Variants in FBXO42 observed in about 807,000 individuals in gnomAD.
FBXO42 encodes the protein F-box protein 42.
Under a neutral mutation model 71.7 loss-of-function variants are expected in FBXO42, and 12 were observed. The observed-to-expected ratio is 0.17, with a 90% CI of 0.11 to 0.27. The LOEUF is 0.27. Ranked by LOEUF, FBXO42 falls within the 10% of genes least tolerant of loss-of-function variation. The pLI, the probability that FBXO42 is intolerant of heterozygous loss-of-function variation, is 1.00. For missense variants in FBXO42, 707 were observed against 911.9 expected (o/e 0.78, Z 2.89); for synonymous variants, 325 against 327.5 (o/e 0.99, Z 0.08).
chr1:16,336,756 G>A (rs1051732854), intron 1 of FBXO42, among the ~76,000 whole-genome samples: 5 of 151,608 alleles, frequency 3.3e-5, no homozygotes, highest in African/African-American at 1.2e-4. Context: ...GGCTAAGGCA[G>A]GTGAATCACC....
Position 16,305,898 on chromosome 1 carries a change from T to A in FBXO42, c.272A>T (p.His91Leu). The stretch of plus-strand genomic sequence containing the variant: ...TTCCTGGACAGCCTTCATGAAACCA[T>A]GATAACACTGATGGGCTACACCTAA... ...LIKGVAHQCY[H>L]GFMKAVQEGN... The change falls in exon 3 of 10, where the codon CAT becomes CTT. Residue 91 changes from histidine (H) to leucine (L), a missense_variant. Physicochemically the swap from His to Leu is moderately conservative, Grantham distance 99. Coordinates refer to ENST00000375592, the MANE Select transcript of FBXO42 (RefSeq NM_018994.3). The A allele has an allele frequency of 6.2e-7, 1 of 1,613,910 alleles. No homozygotes were observed. The highest frequency in any genetic ancestry group is 8.5e-7 in the Non-Finnish European group (1 of 1,179,818).
At chr1:16,274,915 TATTGTTTTTAAAAAA>T (rs1435090324) in intron 4 of FBXO42, among the ~76,000 whole-genome samples, 2 of 152,114 alleles carry the variant, frequency 1.3e-5, no homozygotes, top group Admixed American at 1.3e-4. Flanking sequence ...AATAGAATAA[TATTGTTTTTAAAAAA>T]AGAATCGCTA....
intron 2 of FBXO42, among the ~76,000 whole-genome samples, chr1:16,309,373 G>A (rs1369593051): frequency 1.3e-5 from 2 of 151,748 alleles, no homozygotes; most frequent in Non-Finnish European, 2.9e-5. Flanking sequence ...CACCGCGCCT[G>A]GCCAACCCCA....
chr1:16,270,680 A>T (rs2081830320), intron 4 of FBXO42, among the ~76,000 whole-genome samples: 1 of 48,628 alleles, frequency 2.1e-5, no homozygotes, highest in African/African-American at 9.4e-5. Flanking sequence ...CTCTCAAAAA[A>T]AAAAAAAAAA....
chr1:16,270,674 C>CAAAAAAAAAAAA (rs34861558), intron 4 of FBXO42, among the ~76,000 whole-genome samples: 2 of 14,904 alleles, frequency 1.3e-4, no homozygotes, highest in Non-Finnish European at 2.3e-4. Flanking sequence ...CTCTGTCTCT[C>CAAAAAAAAAAAA]AAAAAAAAAA....
In FBXO42 at chr1:16,294,806, T is replaced by G. The variant is rs562637609; in HGVS notation, c.479A>C (p.Glu160Ala). ...ACCTGAAGCCAAAGGTCGGATCCAC[T>G]CTTTGCTGTTTAGGTCAAGTCTCCA... ...DLWRLDLNSK[E>A]WIRPLASGSY... is the part of the protein sequence containing the mutation. Residue 160 changes from glutamate to alanine, a missense_variant, in exon 4 of 10, where the codon GAG (glutamate) becomes GCG (alanine). By Grantham distance (107) the Glu-to-Ala change is moderately radical. Around this residue, in one of 5 missense-constraint regions of FBXO42, gnomAD observed 188 missense variants for 230.5 expected, o/e 0.82. Transcript: ENST00000375592. The G allele has an allele frequency of 6.2e-7, 1 of 1,614,062 alleles. No homozygotes were observed. Among genetic ancestry groups the G allele is most frequent in the African/African-American group, 1.3e-5 (1 of 75,020 alleles).
chr1:16,319,399 C>G (rs2082394983), intron 1 of FBXO42, among the ~76,000 whole-genome samples: 1 of 152,166 alleles, frequency 6.6e-6, no homozygotes, highest in Non-Finnish European at 1.5e-5. Context: ...ATCTACCAAA[C>G]TGGCTGAAAG....
At chr1:16,312,817 CAG>C (rs998960547) in intron 2 of FBXO42, among the ~76,000 whole-genome samples, 5 of 147,130 alleles carry the variant, frequency 3.4e-5, no homozygotes, top group African/African-American at 1.3e-4. Flanking sequence ...TTTTTTGAGA[CAG>C]AATCTCTGTC....
At chr1:16,289,046 G>T (rs1312639407) in intron 4 of FBXO42, among the ~76,000 whole-genome samples, 1 of 151,762 alleles carries the variant, frequency 6.6e-6, no homozygotes, top group African/African-American at 2.4e-5. Flanking sequence ...GTCTAGTCTG[G>T]TTTACTTTCT....
At chr1:16,288,590 C>A (rs888299957) in intron 4 of FBXO42, among the ~76,000 whole-genome samples, 3 of 152,048 alleles carry the variant, frequency 2.0e-5, no homozygotes, top group African/African-American at 7.2e-5. Context: ...ATGGCCCCAC[C>A]ATCAACGTAG....
chr1:16,256,454 A>T lies in FBXO42; in HGVS notation c.656+152T>A, dbSNP rs185632045. ...GTAAACTCTCTGAAACTGTTGGTAA[A>T]ATCTGTGAATATGTGCATTTTTCCC... On this transcript the variant is annotated intron_variant, in intron 5 of 9. Transcript: ENST00000375592. 3.1e-5 allele frequency: 24 copies of T among 768,050 alleles called. No individual in the cohort carries two copies. In the Admixed American group the frequency reaches 4.9e-4, roughly 16 times the overall value. The allele number at this position is 768,050 out of a possible 1,614,324, so 47.6% of individuals were successfully genotyped here. A position where few individuals can be genotyped will look rare whatever the true frequency, so the allele number is the denominator to read the frequency against.
At chr1:16,299,544 T>A (rs1050748063) in intron 3 of FBXO42, among the ~76,000 whole-genome samples, 1 of 152,158 alleles carries the variant, frequency 6.6e-6, no homozygotes, top group African/African-American at 2.4e-5. Flanking sequence ...CAGTCAATTA[T>A]CAACAAAGTT....
At chr1:16,315,105 G>T (rs910628912) in intron 2 of FBXO42, 64 bp downstream of exon 2, 1 of 1,519,668 alleles carries the variant, frequency 6.6e-7, no homozygotes, top group South Asian at 1.3e-5. Context: ...ACTAAATTTG[G>T]AGTCTAAAAA....
At chr1:16,304,785 A>G (rs1434116220) in intron 3 of FBXO42, among the ~76,000 whole-genome samples, 2 of 152,034 alleles carry the variant, frequency 1.3e-5, no homozygotes, top group Non-Finnish European at 2.9e-5. Flanking sequence ...CCTGGCCAAC[A>G]TGGCGAAACC....
chr1:16,253,360 G>T, intron 7 of FBXO42: 1 of 598,012 alleles, frequency 1.7e-6, no homozygotes, highest in Non-Finnish European at 3.0e-6. Flanking sequence ...ATTCTTTGTT[G>T]ATCAAATATT....
chr1:16,332,544 C>CCT (rs1483086797), intron 1 of FBXO42, among the ~76,000 whole-genome samples: 4 of 139,982 alleles, frequency 2.9e-5, no homozygotes, highest in Admixed American at 7.1e-5. Flanking sequence ...AATTTCTTTT[C>CCT]CTTTTTTTTT....
At chr1:16,331,821 C>A (rs1279735724) in intron 1 of FBXO42, among the ~76,000 whole-genome samples, 1 of 151,392 alleles carries the variant, frequency 6.6e-6, no homozygotes, top group Non-Finnish European at 1.5e-5. Flanking sequence ...GAGGCTGAGG[C>A]GCGCAGATCA....
intron 1 of FBXO42, among the ~76,000 whole-genome samples, chr1:16,331,957 G>A (rs1244452019): frequency 6.6e-6 from 1 of 152,086 alleles, no homozygotes; most frequent in South Asian, 2.1e-4. Context: ...GCTGAGGCAG[G>A]AGAATCGCTT....
intron 6 of FBXO42, among the ~76,000 whole-genome samples, chr1:16,254,800 T>C (rs375363332): frequency 3.0e-4 from 46 of 152,342 alleles, no homozygotes; most frequent in African/African-American, 1.1e-3. Context: ...CTCCTGACTA[T>C]GGCTTGAGCT....
Sources: allele counts gnomAD v4.1 joint callset (sites outside exome capture counted in the v4.1 genomes callset), GRCh38; gene constraint gnomAD v4.1.1; regional missense constraint gnomAD v4.1.1; transcripts MANE v1.5; gene names NCBI Gene and HGNC (gene_info 2026-07-23, HGNC 2026-07-21).